DNAH14: variants seen among roughly 807,000 people sequenced by gnomAD.
DNAH14 encodes dynein axonemal heavy chain 14, also known as axonemal beta dynein heavy chain 14.
In DNAH14, 478 loss-of-function variants were observed where a neutral mutation model predicts 520.9. That is an observed-to-expected ratio of 0.92 (90% CI 0.85 to 0.99). The LOEUF (loss-of-function observed/expected upper bound fraction) is 0.99. Ranked by LOEUF, DNAH14 falls within the 50% of genes least tolerant of loss-of-function variation. The pLI, the probability that DNAH14 is intolerant of heterozygous loss-of-function variation, is 0.00. For missense variants in DNAH14, 4,831 were observed against 5,234.5 expected, an observed-to-expected ratio of 0.92 and a Z score of 2.38; for synonymous variants, 1,581 against 1,757.2, an observed-to-expected ratio of 0.90 and a Z score of 2.51.
Position 225,322,774 on chromosome 1 carries a change from G to T in DNAH14, c.9446G>T (p.Gly3149Val). 2.6e-6 allele frequency: 4 copies of T among 1,551,748 alleles called. No individual in the cohort carries two copies. The highest frequency in any genetic ancestry group is 2.6e-6 in the Non-Finnish European group (3 of 1,146,974). The change falls in exon 62 of 86, where the codon GGT (glycine) becomes GTT (valine). Residue 3149 changes from glycine to valine, a missense_variant. Coordinates refer to ENST00000682510, the MANE Select transcript of DNAH14 (RefSeq NM_001367479.1). Reference sequence around the variant, plus strand: ...GCAAAGTTACTTCTTTCAGAAACTGGTTTCCTGAAAAAATTGATTAACCTT... The same window carrying T: ...GCAAAGTTACTTCTTTCAGAAACTGTTTTCCTGAAAAAATTGATTAACCTT... ...ATAKLLLSETGFLKKLINLDK... is the reference protein window; with the variant it reads ...ATAKLLLSETVFLKKLINLDK...
chr1:225,122,099 CT>C (rs1222953825), intron 26 of DNAH14, among the ~76,000 whole-genome samples: 2 of 152,010 alleles, frequency 1.3e-5, no homozygotes, highest in Non-Finnish European at 2.9e-5. Flanking sequence ...AAAGTTCTGC[CT>C]TAGAATTGAT....
intron 3 of DNAH14, among the ~76,000 whole-genome samples, chr1:224,955,640 C>T (rs1259391480): frequency 1.3e-5 from 2 of 152,176 alleles, no homozygotes; most frequent in African/African-American, 2.4e-5. Context: ...AAGCTTCCAG[C>T]CCCATTTATG....
intron 44 of DNAH14, among the ~76,000 whole-genome samples, chr1:225,256,926 G>A (rs1399543574): frequency 6.6e-6 from 1 of 151,966 alleles, no homozygotes; most frequent in East Asian, 1.9e-4. Flanking sequence ...GATAAAGACA[G>A]AATCTCTGGC....
chr1:225,175,031 G>A (rs1187141261), intron 36 of DNAH14, among the ~76,000 whole-genome samples: 2 of 152,120 alleles, frequency 1.3e-5, no homozygotes, highest in African/African-American at 2.4e-5. Flanking sequence ...AATCCCTCTT[G>A]ATCATGGTTA....
chr1:225,191,188 G>GT (rs1441957666), intron 37 of DNAH14, among the ~76,000 whole-genome samples: 1 of 151,658 alleles, frequency 6.6e-6, no homozygotes, highest in African/African-American at 2.4e-5. Flanking sequence ...ACTATTTATT[G>GT]TTTTTTTCAT....
At chr1:225,187,930 CT>C (rs1298172994) in intron 37 of DNAH14, among the ~76,000 whole-genome samples, 1 of 151,632 alleles carries the variant, frequency 6.6e-6, no homozygotes, top group Admixed American at 6.6e-5. Context: ...AGGGGTCCAA[CT>C]TCGTTCTTTT....
chr1:225,303,408 TC>T, intron 57 of DNAH14, 61 bp downstream of exon 57: 2 of 1,425,676 alleles, frequency 1.4e-6, no homozygotes, highest in Non-Finnish European at 1.9e-6. Flanking sequence ...GTATTATGCC[TC>T]TGAAGAGCAA....
chr1:225,380,273 G>C lies in DNAH14; in HGVS notation c.12831G>C (p.Lys4277Asn), dbSNP rs1285790887. The C allele has an allele frequency of 1.3e-6, 2 of 1,551,562 alleles. No individual in the cohort carries two copies. Among genetic ancestry groups the C allele is most frequent in the Non-Finnish European group, 1.7e-6 (2 of 1,146,990 alleles). ...CTGTTGGAACTCCAAGCACATTGAA[G>C]AGCATGATGTCAAGCTCCATTTGGG... is the stretch of plus-strand genomic sequence containing the variant. ...EIAVGTPSTL[K>N]SMMSSSIWES... Residue 4277 changes from lysine (K) to asparagine (N), a missense_variant, in exon 80 of 86, where the codon AAG becomes AAC. By Grantham distance (94) the Lys-to-Asn change is moderately conservative (BLOSUM62 0). Coordinates refer to ENST00000682510, the MANE Select transcript of DNAH14 (RefSeq NM_001367479.1).
chr1:225,215,293 C>A (rs2089137405), intron 41 of DNAH14, among the ~76,000 whole-genome samples: 1 of 151,944 alleles, frequency 6.6e-6, no homozygotes. Context: ...AATTTCTGTT[C>A]TTTTACATTT....
chr1:224,966,365 T>A (rs1383221825), intron 5 of DNAH14, among the ~76,000 whole-genome samples: 2 of 152,196 alleles, frequency 1.3e-5, no homozygotes, highest in African/African-American at 4.8e-5. Context: ...TCTGAGGACA[T>A]CACTAAATAC....
chr1:225,069,236 T>C (rs1366441793), intron 17 of DNAH14, among the ~76,000 whole-genome samples: 3 of 152,184 alleles, frequency 2.0e-5, no homozygotes, highest in African/African-American at 7.2e-5. Context: ...GAACTTGCAA[T>C]ACTGTGTTGA....
rs899367300 is a variant in DNAH14 at position 225,272,160 on chromosome 1, A to G, written c.7839+87A>G. On this transcript the variant is annotated intron_variant, in intron 51 of 85. Coordinates refer to ENST00000682510, the MANE Select transcript of DNAH14 (RefSeq NM_001367479.1). ...GTCAACATTAGATTGTTAGAAGGGG[A>G]AAAAAGGGAAATGAATGTTGGTTAG... The G allele has an allele frequency of 7.1e-6, 9 of 1,270,130 alleles. No homozygotes were observed. In the African/African-American group the frequency reaches 1.1e-4, roughly 15 times the overall value. The allele number at this position is 1,270,130 out of a possible 1,614,324, so 78.7% of individuals were successfully genotyped here. A position where few individuals can be genotyped will look rare whatever the true frequency, so the allele number is the denominator to read the frequency against.
chr1:225,139,371 G>A (rs530954097), intron 27 of DNAH14, among the ~76,000 whole-genome samples: 170 of 152,306 alleles, frequency 1.1e-3, no homozygotes, highest in African/African-American at 3.8e-3. Flanking sequence ...AATACTTTAT[G>A]ATAGACTTCA....
chr1:225,359,741 C>G (rs935827539), intron 74 of DNAH14, among the ~76,000 whole-genome samples: 1 of 152,222 alleles, frequency 6.6e-6, no homozygotes, highest in African/African-American at 2.4e-5. Context: ...CTCTAGCCAT[C>G]ATATTCACGT....
At chr1:225,381,613 T>G in intron 81 of DNAH14, 34 bp downstream of exon 81, 1 of 1,448,764 alleles carries the variant, frequency 6.9e-7, no homozygotes, top group Middle Eastern at 1.9e-4. Flanking sequence ...ATTTTCTTGC[T>G]TGCTTGAAAT....
At chr1:225,213,291 A>G (rs1264491485) in intron 41 of DNAH14, among the ~76,000 whole-genome samples, 1 of 152,156 alleles carries the variant, frequency 6.6e-6, no homozygotes, top group African/African-American at 2.4e-5. Context: ...TACCCGTACC[A>G]TGCTGTTTTG....
In DNAH14 at chr1:225,380,153, T is replaced by C. The variant is rs1418753079; in HGVS notation, c.12717-6T>C. 6.5e-7 allele frequency: 1 copy of C among 1,544,338 alleles called. No homozygotes were observed. Among genetic ancestry groups the C allele is most frequent in the South Asian group, 1.2e-5 (1 of 82,728 alleles). ...TGTCTCATTCTTCTCTTGGTTTTTT[T>C]TGCAGACCTGAGCAGAGTAAGGATG... On this transcript the variant is annotated splice_polypyrimidine_tract_variant and splice_region_variant and intron_variant, in intron 79 of 85. Transcript: ENST00000682510.
intron 10 of DNAH14, among the ~76,000 whole-genome samples, chr1:225,009,402 A>G (rs546717235): frequency 2.6e-5 from 4 of 152,254 alleles, no homozygotes; most frequent in African/African-American, 7.2e-5. Flanking sequence ...TTTTTCAAAG[A>G]TCAGATGGTT....
intron 79 of DNAH14, among the ~76,000 whole-genome samples, chr1:225,379,952 C>A (rs1395010568): frequency 6.6e-6 from 1 of 152,132 alleles, no homozygotes; most frequent in Non-Finnish European, 1.5e-5. Flanking sequence ...AAACATTTAT[C>A]CTTTGTGTTG....
Sources: allele counts gnomAD v4.1 joint callset (sites outside exome capture counted in the v4.1 genomes callset), GRCh38; gene constraint gnomAD v4.1.1; transcripts MANE v1.5; gene names NCBI Gene and HGNC (gene_info 2026-07-23, HGNC 2026-07-21).